Variants in ABTB3 observed in about 807,000 individuals in gnomAD.
ABTB3 encodes the protein ankyrin repeat- and BTB/POZ domain-containing protein 3.
chr12:107,658,629 A>T, the ABTB3 span: 1 of 152,608 alleles, frequency 6.6e-6, no homozygotes, highest in Non-Finnish European at 1.5e-5. Context: ...AAAATGTTCC[A>T]TCATTTCTAG....
the ABTB3 span, among the ~76,000 whole-genome samples, chr12:107,498,977 C>T: frequency 6.6e-6 from 1 of 152,192 alleles, no homozygotes; most frequent in Admixed American, 6.5e-5. Flanking sequence ...TTGAGTTAAA[C>T]CAAGTCAGTG....
At chr12:107,373,888 G>A in the ABTB3 span, among the ~76,000 whole-genome samples, 5 of 152,206 alleles carry the variant, frequency 3.3e-5, no homozygotes, top group African/African-American at 1.2e-4. Flanking sequence ...TGAATGCACA[G>A]CCCAGCAAAT....
chr12:107,473,609 C>T, the ABTB3 span, among the ~76,000 whole-genome samples: 5 of 152,028 alleles, frequency 3.3e-5, no homozygotes, highest in African/African-American at 1.2e-4. Context: ...CCACCTTGGC[C>T]TCCCAAATAG....
At chr12:107,332,347 C>T in the ABTB3 span, among the ~76,000 whole-genome samples, 1 of 152,194 alleles carries the variant, frequency 6.6e-6, no homozygotes, top group Non-Finnish European at 1.5e-5. Flanking sequence ...CTCCTGGCAC[C>T]ATTTTAGGTA....
the ABTB3 span, among the ~76,000 whole-genome samples, chr12:107,381,200 C>T: frequency 6.6e-6 from 1 of 152,198 alleles, no homozygotes; most frequent in East Asian, 1.9e-4. Flanking sequence ...AAAGATAGGT[C>T]TGCATAGGTG....
the ABTB3 span, among the ~76,000 whole-genome samples, chr12:107,433,372 C>T: frequency 2.8e-5 from 4 of 143,964 alleles, no homozygotes; most frequent in African/African-American, 5.1e-5. Flanking sequence ...TGGATTTATT[C>T]AAACCATAAA....
At chr12:107,375,319 G>A in the ABTB3 span, among the ~76,000 whole-genome samples, 6 of 152,130 alleles carry the variant, frequency 3.9e-5, no homozygotes, top group Non-Finnish European at 5.9e-5. Flanking sequence ...CCAGGAGGTT[G>A]AGGTGGAAGG....
At chr12:107,482,122 C>A in the ABTB3 span, among the ~76,000 whole-genome samples, 4 of 152,176 alleles carry the variant, frequency 2.6e-5, no homozygotes, top group East Asian at 5.8e-4. Flanking sequence ...ATTGGGGATG[C>A]TATTACCAGA....
chr12:107,320,652 T>G, the ABTB3 span: 2 of 456,122 alleles, frequency 4.4e-6, no homozygotes, highest in Non-Finnish European at 8.8e-6. Flanking sequence ...GTGGTGAGAC[T>G]GGGGTGCGGG....
chr12:107,598,099 G>A, the ABTB3 span, among the ~76,000 whole-genome samples: 1 of 152,210 alleles, frequency 6.6e-6, no homozygotes, highest in Admixed American at 6.5e-5. Flanking sequence ...CTGGGGAAAG[G>A]GACAAAGGGA....
the ABTB3 span, chr12:107,319,156 C>T: frequency 1.2e-6 from 2 of 1,602,072 alleles, no homozygotes; most frequent in East Asian, 4.5e-5. Context: ...TCAACACTGC[C>T]CTGGTGGAAG....
chr12:107,548,232 C>A, the ABTB3 span, among the ~76,000 whole-genome samples: 2 of 152,166 alleles, frequency 1.3e-5, no homozygotes, highest in African/African-American at 4.8e-5. Flanking sequence ...GGATCATCTC[C>A]TTGACTATCA....
the ABTB3 span, among the ~76,000 whole-genome samples, chr12:107,588,290 G>A: frequency 2.0e-5 from 3 of 152,320 alleles, no homozygotes; most frequent in South Asian, 6.2e-4. Context: ...GGGGACACAT[G>A]TCAACCCTTA....
At chr12:107,468,440 GC>G in the ABTB3 span, among the ~76,000 whole-genome samples, 1 of 152,174 alleles carries the variant, frequency 6.6e-6, no homozygotes, top group Non-Finnish European at 1.5e-5. Context: ...GTTGCAGATA[GC>G]CAGGGACCTG....
chr12:107,633,945 G>A, the ABTB3 span, among the ~76,000 whole-genome samples: 2 of 152,338 alleles, frequency 1.3e-5, no homozygotes, highest in African/African-American at 2.4e-5. Context: ...CACACTTTGA[G>A]AAGAACTGCA....
the ABTB3 span, among the ~76,000 whole-genome samples, chr12:107,507,097 T>G: frequency 6.6e-6 from 1 of 152,094 alleles, no homozygotes; most frequent in Non-Finnish European, 1.5e-5. Context: ...CAACTTCTGA[T>G]GCACCACATT....
At chr12:107,523,342 G>C in the ABTB3 span, among the ~76,000 whole-genome samples, 1 of 152,190 alleles carries the variant, frequency 6.6e-6, no homozygotes, top group Non-Finnish European at 1.5e-5. Context: ...GTCACAAAAT[G>C]CCTCCTGTCC....
the ABTB3 span, among the ~76,000 whole-genome samples, chr12:107,329,782 T>C: frequency 6.6e-6 from 1 of 152,238 alleles, no homozygotes; most frequent in African/African-American, 2.4e-5. Flanking sequence ...GGGGTTTTAT[T>C]ATATTCATTA....
chr12:107,334,920 T>G, the ABTB3 span, among the ~76,000 whole-genome samples: 1 of 152,086 alleles, frequency 6.6e-6, no homozygotes, highest in African/African-American at 2.4e-5. Flanking sequence ...AGGTAGTTAC[T>G]CCCATTGTAC....
Sources: allele counts gnomAD v4.1 joint callset (sites outside exome capture counted in the v4.1 genomes callset), GRCh38; gene constraint gnomAD v4.1.1; transcripts MANE v1.5; gene names NCBI Gene and HGNC (gene_info 2026-07-23, HGNC 2026-07-21).